Variants in SDHA observed in about 807,000 individuals in gnomAD.
The protein encoded by SDHA is succinate dehydrogenase complex flavoprotein subunit A, also known as succinate dehydrogenase [ubiquinone] flavoprotein subunit, mitochondrial.
In SDHA, 48 loss-of-function variants were observed where a neutral mutation model predicts 78.4. The observed-to-expected ratio is 0.61, with a 90% CI of 0.49 to 0.78. The LOEUF is 0.78. Among genes scored for constraint, SDHA ranks in the 30% least tolerant of loss-of-function variants. The pLI, the probability that SDHA is intolerant of heterozygous loss-of-function variation, is 0.00. For missense variants in SDHA, 680 were observed against 892.7 expected, an observed-to-expected ratio of 0.76 and a Z score of 3.04; for synonymous variants, 326 against 353.9, an observed-to-expected ratio of 0.92 and a Z score of 0.88.
In SDHA at chr5:228,072, T is replaced by A. The variant is rs544365136; in HGVS notation, c.622-113T>A. 2.0e-5 allele frequency: 21 copies of A among 1,054,612 alleles called. No individual in the cohort carries two copies. The African/African-American group carries it at 2.7e-4, about 14-fold the overall frequency. 65.3% of individuals were successfully genotyped at this position (1,054,612 alleles called of 1,614,324 possible). A position where few individuals can be genotyped will look rare whatever the true frequency, so the allele number is the denominator to read the frequency against. On this transcript the variant is annotated intron_variant, in intron 5 of 14. Coordinates refer to ENST00000264932, the MANE Select transcript of SDHA (RefSeq NM_004168.4). ...GACACTGTTGCTGATCTCCTTGGAT[T>A]TACCTGGTCCATTTGGATCAAGTTC...
At chr5:268,153 T>C in the SDHA span, among the ~76,000 whole-genome samples, 1 of 152,080 alleles carries the variant, frequency 6.6e-6, no homozygotes, top group Non-Finnish European at 1.5e-5. Flanking sequence ...CATTTGTACA[T>C]TCATATGAGT....
chr5:228,898 A>G (rs756746996), intron 6 of SDHA, among the ~76,000 whole-genome samples: 3 of 152,092 alleles, frequency 2.0e-5, no homozygotes, highest in Non-Finnish European at 4.4e-5. Flanking sequence ...AAAAAACCCT[A>G]CTAAAAACAA....
chr5:234,080 T>TCTG (rs1288006358), intron 8 of SDHA: 2 of 226,142 alleles, frequency 8.8e-6, no homozygotes, highest in Non-Finnish European at 1.8e-5. Flanking sequence ...TTGCTAAATA[T>TCTG]CTGCTGGTAT....
intron 1 of SDHA, among the ~76,000 whole-genome samples, chr5:221,006 G>A (rs1442357384): frequency 6.6e-6 from 1 of 151,956 alleles, no homozygotes; most frequent in Non-Finnish European, 1.5e-5. Context: ...GTAGAGACGG[G>A]GTTTCACCAT....
chr5:257,859 GC>G (rs36067467), downstream of SDHA, among the ~76,000 whole-genome samples: 3,444 of 14,568 alleles, frequency 0.24, 730 homozygotes, highest in Non-Finnish European at 0.36. Context: ...TGTGAGCTCC[GC>G]CTCCTGCCAT....
intron 1 of SDHA, among the ~76,000 whole-genome samples, chr5:220,948 G>A (rs1734680678): frequency 6.6e-6 from 1 of 151,880 alleles, no homozygotes; most frequent in Admixed American, 6.6e-5. Context: ...GAGTAGCTGG[G>A]ACTACAGGCA....
intron 7 of SDHA, among the ~76,000 whole-genome samples, chr5:231,574 A>AAAAAGT (rs1735401026): frequency 6.6e-6 from 1 of 151,646 alleles, no homozygotes; most frequent in Non-Finnish European, 1.5e-5. Context: ...AAAAAAAAAA[A>AAAAAGT]AAAAGTAAAG....
At chr5:246,625 G>A (rs1736481466) in intron 11 of SDHA, among the ~76,000 whole-genome samples, 1 of 152,194 alleles carries the variant, frequency 6.6e-6, no homozygotes, top group Non-Finnish European at 1.5e-5. Flanking sequence ...TATTGTTCAA[G>A]AGCAAGATTT....
At chr5:257,180 C>T (rs868406997), downstream of SDHA, among the ~76,000 whole-genome samples, 7 of 152,132 alleles carry the variant, frequency 4.6e-5, no homozygotes, top group South Asian at 2.1e-4. Flanking sequence ...TCTTGGCAGA[C>T]GGTTTACTAG....
chr5:221,984 A>G (rs190982334), intron 1 of SDHA, among the ~76,000 whole-genome samples: 12 of 152,282 alleles, frequency 7.9e-5, no homozygotes, highest in East Asian at 3.9e-4. Context: ...TTCTACTTAC[A>G]TTTGGTATAA....
chr5:254,654 C>T (rs1737065438), intron 14 of SDHA, 148 bp downstream of exon 14: 1 of 1,360,026 alleles, frequency 7.4e-7, no homozygotes, highest in Non-Finnish European at 1.0e-6. Flanking sequence ...GAAAAAGGCA[C>T]TCCGACAGCA....
chr5:257,365 G>A (rs566030038), downstream of SDHA, among the ~76,000 whole-genome samples: 2 of 150,454 alleles, frequency 1.3e-5, no homozygotes, highest in South Asian at 4.3e-4. Flanking sequence ...TCCGCCACCT[G>A]TCAGAGCATT....
chr5:246,846 G>T (rs1335154686), intron 11 of SDHA, among the ~76,000 whole-genome samples: 1 of 152,198 alleles, frequency 6.6e-6, no homozygotes, highest in Non-Finnish European at 1.5e-5. Context: ...GGAGAACTTG[G>T]ATTGTTAAAT....
At chr5:228,968 A>G (rs1411888659) in intron 6 of SDHA, among the ~76,000 whole-genome samples, 1 of 152,188 alleles carries the variant, frequency 6.6e-6, no homozygotes, top group African/African-American at 2.4e-5. Flanking sequence ...TTGAATAGAT[A>G]TTTTTCTAGA....
the SDHA span, among the ~76,000 whole-genome samples, chr5:263,752 C>T: frequency 2.0e-5 from 3 of 152,216 alleles, no homozygotes; most frequent in South Asian, 2.1e-4. Context: ...GACTCTCATA[C>T]GTCACTGTGG....
chr5:227,506 G>C (rs891421164), intron 5 of SDHA: 3 of 157,490 alleles, frequency 1.9e-5, no homozygotes, highest in African/African-American at 4.9e-5. Flanking sequence ...TAGAACACCA[G>C]TGACTTCTCT....
intron 14 of SDHA, 120 bp downstream of exon 14, chr5:254,626 C>G (rs775191886): frequency 1.7e-5 from 25 of 1,436,634 alleles, no homozygotes; most frequent in Non-Finnish European, 2.4e-5. Context: ...CAACTCCCGA[C>G]AGATTCGAGG....
intron 4 of SDHA, 59 bp downstream of exon 4, chr5:225,621 G>A: frequency 3.1e-6 from 5 of 1,610,964 alleles, no homozygotes; most frequent in East Asian, 2.2e-5. Context: ...AAAGAATCCT[G>A]GAAAAAAATG....
At chr5:251,217 T>G (rs1579438475) in intron 12 of SDHA, 114 bp downstream of exon 12, 2 of 1,485,270 alleles carry the variant, frequency 1.3e-6, no homozygotes, top group East Asian at 4.6e-5. Context: ...GGATGGGTCC[T>G]GGCCCACAGC....
Sources: gnomAD v4.1 joint callset for allele counts (sites outside exome capture counted in the v4.1 genomes callset) on GRCh38, gnomAD v4.1.1 for gene constraint, MANE v1.5 for transcripts, NCBI Gene and HGNC (gene_info 2026-07-23, HGNC 2026-07-21) for gene names.